DNM3: variants seen among roughly 807,000 people sequenced by gnomAD.
DNM3 encodes the protein dynamin 3.
DNM3 carries 47 observed loss-of-function variants against 101.6 expected under a neutral mutation model. The ratio of observed to expected loss-of-function variants is 0.46; its 90% confidence interval spans 0.37 to 0.59. The LOEUF (loss-of-function observed/expected upper bound fraction) is 0.59. DNM3 is among the 20% of genes least tolerant of loss of function. The pLI is 0.00. For missense variants in DNM3, 849 were observed against 1,085.7 expected, an observed-to-expected ratio of 0.78 and a Z score of 3.06; for synonymous variants, 385 against 387.9, an observed-to-expected ratio of 0.99 and a Z score of 0.09.
chr1:172,115,790 A>G lies in DNM3; in HGVS notation c.1546-15385A>G, dbSNP rs966519002. 2.6e-5 allele frequency among the ~76,000 whole-genome samples: 4 copies of G among 152,164 alleles called. No homozygotes were observed. The East Asian group carries it at 7.7e-4, about 29-fold the overall frequency. On this transcript the variant is annotated intron_variant, in intron 13 of 20. Coordinates refer to ENST00000627582, the MANE Select transcript of DNM3 (RefSeq NM_015569.5). ...GAGGCCTTTCCTGATTAAGTGAAAA[A>G]CATCATTTTCTCTCCAACATAAACC...
intron 14 of DNM3, among the ~76,000 whole-genome samples, chr1:172,213,960 T>C (rs1447628733): frequency 6.6e-6 from 1 of 152,146 alleles, no homozygotes; most frequent in African/African-American, 2.4e-5. Context: ...GCAAGAGTTT[T>C]ACTGTAAAGC....
chr1:172,180,802 T>C (rs1407813637), intron 14 of DNM3, among the ~76,000 whole-genome samples: 1 of 152,124 alleles, frequency 6.6e-6, no homozygotes, highest in East Asian at 1.9e-4. Flanking sequence ...CTCTGTTATG[T>C]ATATGTATGA....
chr1:172,128,824 TTTC>T lies in DNM3; in HGVS notation c.1546-2347_1546-2345del, dbSNP rs578058130. ...TCCTGTTGATTTTACCTCCTAGATATTTCTTCAGTAGGTTCATTTCCTTTTAAC... is the reference window on the plus strand; with the variant it reads ...TCCTGTTGATTTTACCTCCTAGATATTTCAGTAGGTTCATTTCCTTTTAAC... On this transcript the variant is annotated intron_variant, in intron 13 of 20. Transcript: ENST00000627582. 3.4e-4 allele frequency among the ~76,000 whole-genome samples: 52 copies of T among 152,326 alleles called. 2 individuals are homozygous for T. In the South Asian group the frequency reaches 9.9e-3, roughly 29 times the overall value.
intron 20 of DNM3, among the ~76,000 whole-genome samples, chr1:172,392,419 C>A (rs1015523676): frequency 2.8e-5 from 2 of 71,480 alleles, no homozygotes; most frequent in Admixed American, 1.9e-4. Context: ...AAAATCCAAT[C>A]CAGTGTGTAT....
chr1:171,878,150 A>AT (rs2035945830), intron 1 of DNM3, among the ~76,000 whole-genome samples: 1 of 152,184 alleles, frequency 6.6e-6, no homozygotes, highest in Admixed American at 6.5e-5. Context: ...AGTAGGTATT[A>AT]AAGATAAGAC....
intron 12 of DNM3, among the ~76,000 whole-genome samples, 157 bp downstream of exon 12, chr1:172,082,059 C>T (rs1024913810): frequency 3.3e-5 from 5 of 152,146 alleles, no homozygotes; most frequent in Admixed American, 1.3e-4. Context: ...GCTCCATGGT[C>T]GTAGGGCAGG....
chr1:172,309,937 A>C (rs2586422), intron 16 of DNM3: 2 of 152,128 alleles, frequency 1.3e-5, no homozygotes, highest in Non-Finnish European at 2.9e-5. Flanking sequence ...ATTGCATGCT[A>C]TACTTGTCAT....
chr1:172,411,710 T>G lies in DNM3; in HGVS notation c.*3869T>G. 1.0e-6 allele frequency: 1 copy of G among 985,270 alleles called. No individual in the cohort carries two copies. Among genetic ancestry groups the G allele is most frequent in the Non-Finnish European group, 1.2e-6 (1 of 829,796 alleles). 61.0% of individuals were successfully genotyped at this position (985,270 alleles called of 1,614,324 possible). On this transcript the variant is annotated 3_prime_UTR_variant, in exon 21 of 21. Transcript: ENST00000627582. ...TAATTATTTGAAAGTGACAGGAATCTCCTCAGAATGAAGAATAAAGCCTAC... is the reference window on the plus strand; with the variant it reads ...TAATTATTTGAAAGTGACAGGAATCGCCTCAGAATGAAGAATAAAGCCTAC...
At chr1:172,213,684 C>T (rs559967772) in intron 14 of DNM3, among the ~76,000 whole-genome samples, 9 of 151,720 alleles carry the variant, frequency 5.9e-5, no homozygotes, top group South Asian at 4.2e-4. Context: ...AAAAAATTAG[C>T]GAGGCATGGT....
intron 2 of DNM3, among the ~76,000 whole-genome samples, chr1:171,978,375 C>T (rs1447899313): frequency 6.6e-6 from 1 of 152,102 alleles, no homozygotes; most frequent in Non-Finnish European, 1.5e-5. Flanking sequence ...ATGCAGAGAT[C>T]AGAGGGACAA....
In DNM3 at chr1:171,999,534, G is replaced by A. The variant is rs143945438; in HGVS notation, c.589+10386G>A. On this transcript the variant is annotated intron_variant, in intron 4 of 20. Coordinates refer to ENST00000627582, the MANE Select transcript of DNM3 (RefSeq NM_015569.5). Reference sequence around the variant, plus strand: ...TTCAAGAGCAGAGTTTCAAGCTGGAGTTATGAATCATTGAGTTATCAGTCT... The same window carrying A: ...TTCAAGAGCAGAGTTTCAAGCTGGAATTATGAATCATTGAGTTATCAGTCT... Among the ~76,000 whole-genome samples, 1,261 of 152,206 alleles carry A rather than the reference G, an allele frequency of 8.3e-3. 24 individuals are homozygous for A. The highest frequency in any genetic ancestry group is 0.028 in the African/African-American group (1,179 of 41,540).
chr1:171,929,034 G>C (rs186320537), intron 2 of DNM3, among the ~76,000 whole-genome samples: 135 of 152,240 alleles, frequency 8.9e-4, no homozygotes, highest in Non-Finnish European at 1.4e-3. Context: ...TGGAGACCCT[G>C]GTTGGGACGT....
At chr1:172,367,723 T>C (rs1352012243) in intron 17 of DNM3, among the ~76,000 whole-genome samples, 1 of 151,898 alleles carries the variant, frequency 6.6e-6, no homozygotes. Context: ...AAGATACTCA[T>C]AGACTGAAAG....
intron 17 of DNM3, among the ~76,000 whole-genome samples, chr1:172,339,596 C>G (rs12060860): frequency 0.058 from 8,803 of 152,206 alleles, 450 homozygotes; most frequent in African/African-American, 0.14. Context: ...AATCTTCCCC[C>G]AGCTTGGGGA....
At chr1:172,063,423 T>C (rs796188828) in intron 10 of DNM3, among the ~76,000 whole-genome samples, 1 of 152,174 alleles carries the variant, frequency 6.6e-6, no homozygotes, top group African/African-American at 2.4e-5. Flanking sequence ...AATTTTTATA[T>C]TGAGGTTCCA....
chr1:172,410,245 G>A lies in DNM3; in HGVS notation c.*2404G>A. 1.0e-6 allele frequency: 1 copy of A among 985,378 alleles called. No individual in the cohort carries two copies. The highest frequency in any genetic ancestry group is 1.2e-6 in the Non-Finnish European group (1 of 829,880). The allele number at this position is 985,378 out of a possible 1,614,324, so 61.0% of individuals were successfully genotyped here. A position where few individuals can be genotyped will look rare whatever the true frequency, so the allele number is the denominator to read the frequency against. Reference sequence around the variant, plus strand: ...TCTGCTAAAAGGAGATGCCAATGTTGAATGAAGTCTGAAACTCTAGTATGT... The same window carrying A: ...TCTGCTAAAAGGAGATGCCAATGTTAAATGAAGTCTGAAACTCTAGTATGT... On this transcript the variant is annotated 3_prime_UTR_variant, in exon 21 of 21. Transcript: ENST00000627582.
rs538809503 is a variant in DNM3 at position 171,907,732 on chromosome 1, T to A, written c.162-14016T>A. ...ACCCCTTCAAGTCGTTACTAAACTC[T>A]CACTTTCACAATGAGGCTTACTTTG... On this transcript the variant is annotated intron_variant, in intron 1 of 20. Transcript: ENST00000627582. Among the ~76,000 whole-genome samples the A allele has an allele frequency of 2.1e-4, 32 of 152,328 alleles. No homozygotes were observed. In the East Asian group the frequency reaches 3.9e-3, roughly 18 times the overall value.
At chr1:172,312,017 G>C (rs1186703310) in intron 16 of DNM3, among the ~76,000 whole-genome samples, 1 of 152,158 alleles carries the variant, frequency 6.6e-6, no homozygotes, top group Non-Finnish European at 1.5e-5. Context: ...TTGACTTTCA[G>C]ATATTTAAAT....
At chr1:172,119,323 A>T (rs143049540) in intron 13 of DNM3, among the ~76,000 whole-genome samples, 39 of 152,198 alleles carry the variant, frequency 2.6e-4, no homozygotes, top group Middle Eastern at 6.8e-3. Flanking sequence ...TTCTCTCTTC[A>T]GTAACCTTAA....
Sources: allele counts gnomAD v4.1 joint callset (sites outside exome capture counted in the v4.1 genomes callset), GRCh38; gene constraint gnomAD v4.1.1; transcripts MANE v1.5; gene names NCBI Gene and HGNC (gene_info 2026-07-23, HGNC 2026-07-21).